Variants in CNTNAP5 observed in about 807,000 individuals in gnomAD.
CNTNAP5 encodes contactin-associated protein-like 5.
CNTNAP5 carries 72 observed loss-of-function variants against 150.2 expected under a neutral mutation model. That is an observed-to-expected ratio of 0.48 (90% CI 0.40 to 0.58). The LOEUF is 0.58. Among genes scored for constraint, CNTNAP5 ranks in the 20% least tolerant of loss-of-function variants. The pLI is 0.00. For synonymous variants in CNTNAP5, 672 were observed against 619.8 expected (o/e 1.08, Z -1.25); for missense variants, 1,636 against 1,626.2 (o/e 1.01, Z -0.10).
intron 6 of CNTNAP5, among the ~76,000 whole-genome samples, chr2:124,452,655 C>T (rs1032878086): frequency 1.3e-5 from 2 of 152,146 alleles, no homozygotes; most frequent in African/African-American, 4.8e-5. Flanking sequence ...GCCCCTGCAA[C>T]CTCCACTGGA....
At chr2:124,912,441 A>G (rs1678676334) in intron 23 of CNTNAP5, among the ~76,000 whole-genome samples, 1 of 152,054 alleles carries the variant, frequency 6.6e-6, no homozygotes, top group Non-Finnish European at 1.5e-5. Flanking sequence ...GAGATGGGTA[A>G]ACAGACAACA....
chr2:124,050,642 G>C (rs1248653339), intron 1 of CNTNAP5, among the ~76,000 whole-genome samples: 1 of 152,116 alleles, frequency 6.6e-6, no homozygotes, highest in Non-Finnish European at 1.5e-5. Context: ...GCCTCTGTGT[G>C]CTGCAGTCCC....
At chr2:124,304,055 T>A (rs1412457647) in intron 3 of CNTNAP5, among the ~76,000 whole-genome samples, 5 of 152,006 alleles carry the variant, frequency 3.3e-5, no homozygotes, top group Admixed American at 6.6e-5. Flanking sequence ...TAAATACAAA[T>A]AATCATAAAT....
At chr2:124,459,161 G>A (rs898675066) in intron 6 of CNTNAP5, among the ~76,000 whole-genome samples, 2 of 152,104 alleles carry the variant, frequency 1.3e-5, no homozygotes, top group Admixed American at 6.6e-5. Flanking sequence ...TAAAAATTGC[G>A]GTCAGCCCTG....
intron 1 of CNTNAP5, among the ~76,000 whole-genome samples, chr2:124,128,112 A>G (rs1178346769): frequency 6.6e-6 from 1 of 152,234 alleles, no homozygotes; most frequent in Non-Finnish European, 1.5e-5. Flanking sequence ...CTACCATCAG[A>G]GTGAACAGGC....
At chr2:124,619,414 A>G (rs770683954) in intron 12 of CNTNAP5, among the ~76,000 whole-genome samples, 1 of 152,206 alleles carries the variant, frequency 6.6e-6, no homozygotes, top group East Asian at 1.9e-4. Context: ...AGGTGGCTGT[A>G]TAGGAAGCTT....
At chr2:124,122,790 A>C (rs200006750) in intron 1 of CNTNAP5, among the ~76,000 whole-genome samples, 13 of 104,502 alleles carry the variant, frequency 1.2e-4, no homozygotes, top group East Asian at 2.7e-4. Flanking sequence ...ACACACACAC[A>C]CACCCACACC....
intron 3 of CNTNAP5, among the ~76,000 whole-genome samples, chr2:124,296,159 T>C (rs558390309): frequency 1.3e-5 from 2 of 152,344 alleles, no homozygotes; most frequent in South Asian, 4.1e-4. Flanking sequence ...GTGCACTTTT[T>C]TTTCATGCAA....
At chr2:124,786,165 G>A (rs1009655459) in intron 17 of CNTNAP5, among the ~76,000 whole-genome samples, 1 of 151,736 alleles carries the variant, frequency 6.6e-6, no homozygotes, top group Non-Finnish European at 1.5e-5. Flanking sequence ...GGTAGGCTGA[G>A]GCAGGAGGAT....
At chr2:124,474,167 A>G (rs1693585799) in intron 6 of CNTNAP5, among the ~76,000 whole-genome samples, 1 of 152,118 alleles carries the variant, frequency 6.6e-6, no homozygotes, top group Non-Finnish European at 1.5e-5. Context: ...CAAATGTTTA[A>G]TAAGCACCAT....
At chr2:124,236,396 T>A (rs1298283209) in intron 2 of CNTNAP5, among the ~76,000 whole-genome samples, 1 of 152,140 alleles carries the variant, frequency 6.6e-6, no homozygotes, top group Non-Finnish European at 1.5e-5. Context: ...ACGCCCAGGG[T>A]TCTTGCCAAC....
intron 1 of CNTNAP5, among the ~76,000 whole-genome samples, chr2:124,077,895 AG>A (rs1394901589): frequency 6.6e-6 from 1 of 152,204 alleles, no homozygotes; most frequent in African/African-American, 2.4e-5. Context: ...CTTTGTTGTA[AG>A]GTCCATTAAA....
Position 124,563,304 on chromosome 2 carries a change from T to G in CNTNAP5, c.1737T>G (p.Thr579=), listed in dbSNP as rs781576829. 1 of 1,560,570 alleles carries G rather than the reference T, an allele frequency of 6.4e-7. No homozygotes were observed. Among genetic ancestry groups the G allele is most frequent in the East Asian group, 2.4e-5 (1 of 42,176 alleles). The change falls in exon 11 of 24, where the codon ACT becomes ACG. Residue 579 remains threonine, a synonymous_variant. Transcript: ENST00000682447. The part of the protein sequence containing the change: ...FYCNCSDTSY[T]GATCHNSIYE... ...GTAACTGCAGTGACACAAGTTACAC[T>G]GGTGCCACCTGCCACAACTGTGAGT...
At chr2:124,357,088 G>A (rs1414970051) in intron 3 of CNTNAP5, among the ~76,000 whole-genome samples, 1 of 152,082 alleles carries the variant, frequency 6.6e-6, no homozygotes, top group Admixed American at 6.5e-5. Flanking sequence ...TGTGCTTTTG[G>A]CTGCATAAAT....
chr2:124,288,564 A>T (rs1400215517), intron 3 of CNTNAP5, among the ~76,000 whole-genome samples: 2 of 152,284 alleles, frequency 1.3e-5, no homozygotes, highest in East Asian at 3.9e-4. Flanking sequence ...AATTCTGATA[A>T]ATACTTTTAT....
intron 10 of CNTNAP5, among the ~76,000 whole-genome samples, chr2:124,549,045 C>T (rs1558949348): frequency 6.6e-6 from 1 of 152,210 alleles, no homozygotes; most frequent in Non-Finnish European, 1.5e-5. Context: ...GACATGGTAG[C>T]CTCTGGGCAC....
At chr2:124,525,533 A>T (rs971086751) in intron 9 of CNTNAP5, among the ~76,000 whole-genome samples, 2 of 152,384 alleles carry the variant, frequency 1.3e-5, no homozygotes, top group East Asian at 3.9e-4. Context: ...TAGAATTTAC[A>T]GATCACTTCT....
At chr2:124,092,668 T>C (rs189347114) in intron 1 of CNTNAP5, among the ~76,000 whole-genome samples, 1 of 152,320 alleles carries the variant, frequency 6.6e-6, no homozygotes, top group East Asian at 1.9e-4. Flanking sequence ...TTGTAGGAAG[T>C]AGTTATTTAC....
intron 18 of CNTNAP5, among the ~76,000 whole-genome samples, chr2:124,795,578 C>T (rs314726): frequency 0.43 from 64,861 of 151,954 alleles, 14,422 homozygotes; most frequent in East Asian, 0.79. Context: ...AGTGCAATGG[C>T]GCAATCTCAG....
Sources: allele counts gnomAD v4.1 joint callset (sites outside exome capture counted in the v4.1 genomes callset), GRCh38; gene constraint gnomAD v4.1.1; transcripts MANE v1.5; gene names NCBI Gene and HGNC (gene_info 2026-07-23, HGNC 2026-07-21).